WWOX: variants seen among roughly 807,000 people sequenced by gnomAD.
WWOX encodes WW domain-containing oxidoreductase.
In WWOX, 69 loss-of-function variants were observed where a neutral mutation model predicts 46.2. The observed-to-expected ratio is 1.49, with a 90% confidence interval of 1.23 to 1.82. WWOX has a LOEUF of 1.82. Ranked by LOEUF, WWOX falls within the 40% of genes most tolerant of loss-of-function variation. The pLI is 0.00. For missense variants in WWOX, 919 were observed against 542.6 expected, an observed-to-expected ratio of 1.69 and a Z score of -6.89; for synonymous variants, 359 against 202.6, an observed-to-expected ratio of 1.77 and a Z score of -6.56.
rs1306413633 is a variant in WWOX, at chr16:78,656,990, T to G, written c.1056+224238T>G. 2.6e-5 allele frequency among the ~76,000 whole-genome samples: 4 copies of G among 152,298 alleles called. 1 individual carries two copies. Among genetic ancestry groups the G allele is most frequent in the African/African-American group, 9.6e-5 (4 of 41,560 alleles). On this transcript the variant is annotated intron_variant, in intron 8 of 8. Coordinates refer to ENST00000566780, the MANE Select transcript of WWOX (RefSeq NM_016373.4). ...TGGAGTGTTAGGGTCTTCGGGCACA[T>G]GGTGGATGAGCGTTTTGCTTCGTGT...
At chr16:78,509,940 A>AG (rs1456353881) in intron 8 of WWOX, among the ~76,000 whole-genome samples, 6 of 137,018 alleles carry the variant, frequency 4.4e-5, no homozygotes, top group African/African-American at 1.3e-4. Flanking sequence ...AAAAAAAAAA[A>AG]AGAAAGAAAA....
intron 5 of WWOX, among the ~76,000 whole-genome samples, chr16:78,275,530 G>A (rs976034769): frequency 1.3e-5 from 2 of 152,242 alleles, no homozygotes; most frequent in East Asian, 3.8e-4. Context: ...CAAAGGATGA[G>A]TGATTTAGCC....
intron 8 of WWOX, among the ~76,000 whole-genome samples, chr16:79,176,443 A>C (rs1035691049): frequency 6.6e-6 from 1 of 152,228 alleles, no homozygotes; most frequent in Non-Finnish European, 1.5e-5. Context: ...CTCAGGAAGA[A>C]GAGCAAATGG....
At chr16:78,574,009 A>T (rs149057238) in intron 8 of WWOX, among the ~76,000 whole-genome samples, 285 of 152,296 alleles carry the variant, frequency 1.9e-3, no homozygotes, top group African/African-American at 6.4e-3. Context: ...CTGGGGAAGA[A>T]TTGGCTTCCC....
At chr16:78,669,521 T>C (rs375785224) in intron 8 of WWOX, among the ~76,000 whole-genome samples, 3 of 152,168 alleles carry the variant, frequency 2.0e-5, no homozygotes, top group Non-Finnish European at 2.9e-5. Flanking sequence ...CTACAATCCA[T>C]AGGACAGTAC....
At chr16:78,998,541 C>G (rs181526693) in intron 8 of WWOX, among the ~76,000 whole-genome samples, 3 of 152,268 alleles carry the variant, frequency 2.0e-5, no homozygotes, top group East Asian at 3.9e-4. Flanking sequence ...AATCTTGGCT[C>G]TACCACCTAT....
At chr16:78,255,504 A>G (rs910334366) in intron 5 of WWOX, among the ~76,000 whole-genome samples, 6 of 152,234 alleles carry the variant, frequency 3.9e-5, no homozygotes, top group Non-Finnish European at 5.9e-5. Flanking sequence ...AGGTAGCTGC[A>G]AAAGCTAATT....
intron 8 of WWOX, among the ~76,000 whole-genome samples, chr16:78,971,717 C>G (rs530426059): frequency 3.3e-5 from 5 of 151,836 alleles, no homozygotes; most frequent in East Asian, 1.9e-4. Context: ...ATCGCCCCCC[C>G]ACCCCGATCC....
At chr16:79,096,872 G>C (rs769844920) in intron 8 of WWOX, among the ~76,000 whole-genome samples, 2 of 152,086 alleles carry the variant, frequency 1.3e-5, no homozygotes, top group Non-Finnish European at 2.9e-5. Context: ...TTTGTGCCCA[G>C]AAGATCTCAC....
intron 8 of WWOX, among the ~76,000 whole-genome samples, chr16:78,872,028 A>C (rs1364614785): frequency 6.6e-6 from 1 of 152,208 alleles, no homozygotes; most frequent in Non-Finnish European, 1.5e-5. Flanking sequence ...AGAAATCTCT[A>C]GTCTAGGGCA....
chr16:78,162,475 A>ATT (rs2034827558), intron 4 of WWOX, among the ~76,000 whole-genome samples: 1 of 151,616 alleles, frequency 6.6e-6, no homozygotes, highest in South Asian at 2.1e-4. Context: ...AGACATAAAT[A>ATT]TATATATATA....
At chr16:79,076,355 C>T (rs954809352) in intron 8 of WWOX, among the ~76,000 whole-genome samples, 1 of 152,176 alleles carries the variant, frequency 6.6e-6, no homozygotes, top group Non-Finnish European at 1.5e-5. Flanking sequence ...GAAATGTAGC[C>T]TTTTCATCTT....
At chr16:78,756,928 C>T (rs1188814056) in intron 8 of WWOX, 2 of 702,852 alleles carry the variant, frequency 2.8e-6, no homozygotes, top group Admixed American at 4.0e-5. Context: ...TGATGTGGAT[C>T]ATTCACTCTA....
intron 8 of WWOX, among the ~76,000 whole-genome samples, chr16:78,853,400 A>G (rs1188449690): frequency 6.6e-6 from 1 of 152,042 alleles, no homozygotes; most frequent in Non-Finnish European, 1.5e-5. Flanking sequence ...TTTAGTAGAG[A>G]CAGGGTTTTG....
rs1002183265 is a variant in WWOX, at chr16:78,733,749, C to T, written c.1056+300997C>T. On this transcript the variant is annotated intron_variant, in intron 8 of 8. Transcript: ENST00000566780. ...CAGCCTGGGCGACAGAGTGAGAATC[C>T]GTCTCAAAAAATAAGTAAATAAAAT... Among the ~76,000 whole-genome samples the T allele has an allele frequency of 3.3e-5, 5 of 149,472 alleles. No individual in the cohort carries two copies. In the South Asian group the frequency reaches 6.4e-4, roughly 19 times the overall value.
intron 8 of WWOX, among the ~76,000 whole-genome samples, chr16:79,105,351 C>G (rs1015861634): frequency 3.3e-5 from 5 of 152,102 alleles, no homozygotes; most frequent in African/African-American, 7.2e-5. Context: ...GTCATCATCT[C>G]AAAACTCAGA....
At chr16:79,051,423 C>A (rs1295934885) in intron 8 of WWOX, among the ~76,000 whole-genome samples, 1 of 152,204 alleles carries the variant, frequency 6.6e-6, no homozygotes. Context: ...CAGGCTCCTT[C>A]CATTCTGTGG....
chr16:78,104,180 C>T (rs1178950130), intron 1 of WWOX, among the ~76,000 whole-genome samples: 2 of 151,404 alleles, frequency 1.3e-5, no homozygotes. Context: ...ACAGGGCTGG[C>T]TGTCCTCACC....
intron 8 of WWOX, among the ~76,000 whole-genome samples, chr16:78,728,468 G>A (rs1434174339): frequency 6.6e-6 from 1 of 152,216 alleles, no homozygotes; most frequent in Non-Finnish European, 1.5e-5. Context: ...TTCCCTAGAA[G>A]ACAGCCAGAT....
Sources: gnomAD v4.1 joint callset for allele counts (sites outside exome capture counted in the v4.1 genomes callset) on GRCh38, gnomAD v4.1.1 for gene constraint, MANE v1.5 for transcripts, NCBI Gene and HGNC (gene_info 2026-07-23, HGNC 2026-07-21) for gene names.